OSCP1: variants seen among roughly 807,000 people sequenced by gnomAD.
The protein encoded by OSCP1 is protein OSCP1.
Under a neutral mutation model 45.1 loss-of-function variants are expected in OSCP1, and 35 were observed. The ratio of observed to expected loss-of-function variants is 0.78; its 90% CI spans 0.59 to 1.03. The LOEUF is 1.03. Among genes scored for constraint, OSCP1 ranks in the 50% least tolerant of loss-of-function variants. The pLI is 0.00. For missense variants in OSCP1, 400 were observed against 470.7 expected (o/e 0.85, Z 1.39); for synonymous variants, 179 against 180.1 (o/e 0.99, Z 0.05).
chr1:36,446,993 G>A (rs1649581176), intron 1 of OSCP1, among the ~76,000 whole-genome samples: 1 of 152,198 alleles, frequency 6.6e-6, no homozygotes, highest in Admixed American at 6.5e-5. Context: ...GCTGCGTTGT[G>A]GGGGAAGCTG....
chr1:36,427,868 C>T (rs1648076624), intron 4 of OSCP1, among the ~76,000 whole-genome samples: 1 of 151,916 alleles, frequency 6.6e-6, no homozygotes, highest in Admixed American at 6.6e-5. Context: ...ATTGCTTCAT[C>T]CATAGCAAAT....
intron 2 of OSCP1, among the ~76,000 whole-genome samples, chr1:36,436,433 G>T (rs1180792657): frequency 1.3e-5 from 2 of 151,950 alleles, no homozygotes; most frequent in Non-Finnish European, 2.9e-5. Context: ...TAGAGACAGG[G>T]TCTTGCTATG....
At chr1:36,430,630 T>C (rs1352075735) in intron 4 of OSCP1, among the ~76,000 whole-genome samples, 3 of 152,148 alleles carry the variant, frequency 2.0e-5, no homozygotes, top group Non-Finnish European at 2.9e-5. Context: ...AGGGTGTAGA[T>C]ATTGACAAGG....
rs761252936 is a variant in OSCP1, at chr1:36,422,793, G to A, written c.724C>T (p.Arg242Ter). Residue 242 changes from arginine to a stop codon, truncating the protein, a stop_gained, in exon 6 of 10, where the codon CGA becomes TGA. Transcript: ENST00000235532. LOFTEE classifies it high-confidence loss of function. ...KEGSFELYGD[R>*]VLKLGTNMYS... ...ATGTTAGTTCCCAGTTTCAGGACTC[G>A]GTCTCCATAAAGTTCAAAAGAACCT... 1.5e-5 allele frequency: 24 copies of A among 1,593,978 alleles called. No individual in the cohort carries two copies. The South Asian group carries it at 2.5e-4, about 17-fold the overall frequency.
intron 4 of OSCP1, 81 bp from the exon 5 acceptor site, chr1:36,423,547 T>G: frequency 8.8e-7 from 1 of 1,136,922 alleles, no homozygotes; most frequent in Non-Finnish European, 1.3e-6. Flanking sequence ...AAGTGCGTAA[T>G]GGTTTGGGAA....
chr1:36,439,694 T>C (rs994867054), intron 1 of OSCP1, among the ~76,000 whole-genome samples: 2 of 152,234 alleles, frequency 1.3e-5, no homozygotes, highest in Non-Finnish European at 2.9e-5. Context: ...CTATAAGACA[T>C]GTACTTTGAA....
In OSCP1 at chr1:36,423,541, G is replaced by A. The variant is rs1200637575; in HGVS notation, c.517-75C>T. ...CATCAATATTCTGAGGGTGGAAAGT[G>A]CGTAATGGTTTGGGAACATGACCTA... On this transcript the variant is annotated intron_variant, in intron 4 of 9. Transcript: ENST00000235532. The A allele has an allele frequency of 1.8e-4, 222 of 1,215,150 alleles. 2 individuals carry two copies. In the East Asian group the frequency reaches 5.1e-3, roughly 28 times the overall value. The allele number at this position is 1,215,150 out of a possible 1,614,324, so 75.3% of individuals were successfully genotyped here.
intron 1 of OSCP1, among the ~76,000 whole-genome samples, chr1:36,445,777 C>T (rs553521302): frequency 7.9e-5 from 12 of 151,722 alleles, no homozygotes; most frequent in East Asian, 1.9e-4. Context: ...TGCAATGGTG[C>T]GATCTCGGCT....
chr1:36,447,999 C>A lies in OSCP1; in HGVS notation c.112+2259G>T. ...TATAACTCCTAAAGGTAAAGCTGTC[C>A]TCTAGTATTCCAAGGGCCTTGTCCA... On this transcript the variant is annotated intron_variant, in intron 1 of 9. Transcript: ENST00000235532. This position sits in a 1 kb window ranked among gnomAD's most constrained non-coding sequence, Gnocchi z 4.1. 1 of 386,424 alleles carries A rather than the reference C, an allele frequency of 2.6e-6. No homozygotes were observed. The highest frequency in any genetic ancestry group is 5.4e-6 in the Non-Finnish European group (1 of 184,558). The allele number at this position is 386,424 out of a possible 1,614,324, so 23.9% of individuals were successfully genotyped here.
At chr1:36,449,564 C>T (rs369142902) in intron 1 of OSCP1, among the ~76,000 whole-genome samples, 3 of 151,928 alleles carry the variant, frequency 2.0e-5, no homozygotes, top group African/African-American at 7.3e-5. Context: ...GGGCTGGACG[C>T]GGTGGCTCAC....
chr1:36,430,703 G>A (rs990513975), intron 4 of OSCP1, among the ~76,000 whole-genome samples: 1 of 152,222 alleles, frequency 6.6e-6, no homozygotes, highest in Non-Finnish European at 1.5e-5. Context: ...CGCCCAAGCT[G>A]GAGTGCAGTG....
chr1:36,428,724 C>T (rs1025566115), intron 4 of OSCP1, among the ~76,000 whole-genome samples: 2 of 151,440 alleles, frequency 1.3e-5, no homozygotes, highest in African/African-American at 4.9e-5. Context: ...GCGGGCGGAT[C>T]GCCTGAGGTC....
At chr1:36,427,969 C>T (rs1393206919) in intron 4 of OSCP1, among the ~76,000 whole-genome samples, 1 of 151,936 alleles carries the variant, frequency 6.6e-6, no homozygotes, top group Non-Finnish European at 1.5e-5. Flanking sequence ...GGGTGGATTG[C>T]CTGAGGTCAG....
Position 36,440,515 on chromosome 1 carries a change from A to G in OSCP1, c.113-1605T>C, listed in dbSNP as rs573810405. ...TACTCAGTGAGGGAGAACCAAATCC[A>G]TTACCAACACAGGATGTCCCTGACA... On this transcript the variant is annotated intron_variant, in intron 1 of 9. Transcript: ENST00000235532. 2.6e-5 allele frequency among the ~76,000 whole-genome samples: 4 copies of G among 152,312 alleles called. No homozygotes were observed. In the East Asian group the frequency reaches 7.7e-4, roughly 29 times the overall value.
intron 4 of OSCP1, chr1:36,428,532 C>A: frequency 6.5e-7 from 1 of 1,529,346 alleles, no homozygotes; most frequent in Non-Finnish European, 8.8e-7. Flanking sequence ...GTTAATCCAA[C>A]AAAATTAGGT....
chr1:36,418,869 G>A (rs1194823917), intron 9 of OSCP1, 122 bp downstream of exon 9: 13 of 752,056 alleles, frequency 1.7e-5, no homozygotes, highest in East Asian at 1.6e-4. Context: ...TGGAAGTTGC[G>A]GTAAGCTGAG....
rs17442970 is a variant in OSCP1, at chr1:36,422,212, C to T, written c.757G>A (p.Val253Met). 29 of 1,613,980 alleles carry T rather than the reference C, an allele frequency of 1.8e-5. No homozygotes were observed. Among genetic ancestry groups the T allele is most frequent in the Non-Finnish European group, 2.2e-5 (26 of 1,179,950 alleles). The change falls in exon 7 of 10, where the codon GTG becomes ATG. Residue 253 changes from valine (V) to methionine (M), a missense_variant. Coordinates refer to ENST00000235532, the MANE Select transcript of OSCP1 (RefSeq NM_145047.5). Reference protein sequence around the residue: ...VLKLGTNMYSVNQPVETHVSG... With the variant: ...VLKLGTNMYSMNQPVETHVSG... ...ACATGAGTTTCCACAGGCTGATTCA[C>T]GCTGTACCTGGTGTGTCAACAGAAA...
Position 36,419,097 on chromosome 1 carries a change from T to C in OSCP1, c.960-43A>G, listed in dbSNP as rs3738835. 0.015 allele frequency: 22,448 copies of C among 1,540,348 alleles called. 2,004 individuals carry two copies. In the East Asian group the frequency reaches 0.26, roughly 18 times the overall value. On this transcript the variant is annotated intron_variant, in intron 8 of 9. Coordinates refer to ENST00000235532, the MANE Select transcript of OSCP1 (RefSeq NM_145047.5). Reference sequence around the variant, plus strand: ...GAAAATGGGTGCAACATTAGGGTTCTTTCCCTGCCAGCATGGCAAACTGGC... The same window carrying C: ...GAAAATGGGTGCAACATTAGGGTTCCTTCCCTGCCAGCATGGCAAACTGGC...
rs766674301 is a variant in OSCP1 at position 36,432,461 on chromosome 1, G to C, written c.396C>G (p.Ile132Met). The change falls in exon 3 of 10, where the codon ATC becomes ATG. Residue 132 changes from isoleucine to methionine, a missense_variant. Transcript: ENST00000235532. Reference sequence around the variant, plus strand: ...GCAAAGTCTCGTCCACTTGCTGCAGGATGGTTGGGGAGTCTCGGATGAATC... The same window carrying C: ...GCAAAGTCTCGTCCACTTGCTGCAGCATGGTTGGGGAGTCTCGGATGAATC... The part of the protein sequence containing the change: ...IKGFIRDSPT[I>M]LQQVDETLRQ... 2.0e-5 allele frequency: 33 copies of C among 1,614,004 alleles called. No individual in the cohort carries two copies. Among genetic ancestry groups the C allele is most frequent in the Middle Eastern group, 3.3e-4 (2 of 6,080 alleles).
Sources: allele counts gnomAD v4.1 joint callset (sites outside exome capture counted in the v4.1 genomes callset), GRCh38; gene constraint gnomAD v4.1.1; non-coding constraint Gnocchi (gnomAD v3.1); transcripts MANE v1.5; gene names NCBI Gene and HGNC (gene_info 2026-07-23, HGNC 2026-07-21).